ATPAF2: variants seen among roughly 807,000 people sequenced by gnomAD.
The protein encoded by ATPAF2 is ATP synthase mitochondrial F1 complex assembly factor 2.
Under a neutral mutation model 36.6 loss-of-function variants are expected in ATPAF2, and 30 were observed. That is an observed-to-expected ratio of 0.82 (90% CI 0.61 to 1.11). The LOEUF is 1.11. Among genes scored for constraint, ATPAF2 ranks in the 50% most tolerant of loss-of-function variants. ATPAF2 has a pLI of 0.00. For missense variants in ATPAF2, 321 were observed against 372.3 expected (o/e 0.86, Z 1.13); for synonymous variants, 140 against 152.6 (o/e 0.92, Z 0.61).
At chr17:18,031,761 C>T (rs573591839) in intron 1 of ATPAF2, among the ~76,000 whole-genome samples, 18 of 152,138 alleles carry the variant, frequency 1.2e-4, no homozygotes, top group Admixed American at 1.1e-3. Context: ...GCCTGGGTGA[C>T]AAAGCAAGAC....
At chr17:18,015,967 G>A (rs2044345751), downstream of ATPAF2, 1 of 1,375,972 alleles carries the variant, frequency 7.3e-7, no homozygotes, top group East Asian at 2.3e-5. Flanking sequence ...GGCCTGCACA[G>A]CCAGGGGACT....
chr17:18,031,341 T>C (rs929163682), intron 1 of ATPAF2, among the ~76,000 whole-genome samples: 1 of 152,110 alleles, frequency 6.6e-6, no homozygotes, highest in Non-Finnish European at 1.5e-5. Context: ...CTATCACTAA[T>C]ACTTACAGAC....
intron 1 of ATPAF2, among the ~76,000 whole-genome samples, chr17:18,038,293 A>G (rs144869140): frequency 6.6e-6 from 1 of 152,344 alleles, no homozygotes; most frequent in African/African-American, 2.4e-5. Context: ...ACTACTTCTA[A>G]GCTTCATCAG....
rs886052664 is a variant in ATPAF2 at position 18,018,212 on chromosome 17, A to G, written c.*337T>C. ...TAACCCTCTGGAACCTAGACAAAACAGGAAGAATGGAGAAGTGCAGAGGCA... is the reference window on the plus strand; with the variant it reads ...TAACCCTCTGGAACCTAGACAAAACGGGAAGAATGGAGAAGTGCAGAGGCA... On this transcript the variant is annotated 3_prime_UTR_variant, in exon 8 of 8. Coordinates refer to ENST00000474627, the MANE Select transcript of ATPAF2 (RefSeq NM_145691.4). 9 of 377,270 alleles carry G rather than the reference A, an allele frequency of 2.4e-5. No homozygotes were observed. Among genetic ancestry groups the G allele is most frequent in the East Asian group, 1.9e-4 (3 of 15,994 alleles). 23.4% of individuals were successfully genotyped at this position (377,270 alleles called of 1,614,324 possible). A position where few individuals can be genotyped will look rare whatever the true frequency, so the allele number is the denominator to read the frequency against.
chr17:18,018,241 G>C lies in ATPAF2; in HGVS notation c.*308C>G, dbSNP rs1052091218. 1.2e-5 allele frequency: 5 copies of C among 428,602 alleles called. No individual in the cohort carries two copies. The highest frequency in any genetic ancestry group is 8.1e-5 in the African/African-American group (4 of 49,472). 26.5% of individuals were successfully genotyped at this position (428,602 alleles called of 1,614,324 possible). On this transcript the variant is annotated 3_prime_UTR_variant, in exon 8 of 8. Coordinates refer to ENST00000474627, the MANE Select transcript of ATPAF2 (RefSeq NM_145691.4). ...AGAATGGAGAAGTGCAGAGGCATACGTGAAAACAGGGCTCAGCACATTTCC... is the reference window on the plus strand; with the variant it reads ...AGAATGGAGAAGTGCAGAGGCATACCTGAAAACAGGGCTCAGCACATTTCC...
At chr17:18,024,041 A>G (rs2044508146) in intron 5 of ATPAF2, among the ~76,000 whole-genome samples, 1 of 152,254 alleles carries the variant, frequency 6.6e-6, no homozygotes, top group Non-Finnish European at 1.5e-5. Flanking sequence ...AAGTGCATAC[A>G]TATCGTATAT....
At chr17:18,031,975 G>A (rs1427138395) in intron 1 of ATPAF2, among the ~76,000 whole-genome samples, 1 of 152,190 alleles carries the variant, frequency 6.6e-6, no homozygotes, top group African/African-American at 2.4e-5. Flanking sequence ...TGGCAGGCTA[G>A]ACATGGGTCT....
rs750701184 is a variant in ATPAF2 at position 18,024,590 on chromosome 17, C to T, written c.503+34G>A. On this transcript the variant is annotated intron_variant, in intron 5 of 7. Coordinates refer to ENST00000474627, the MANE Select transcript of ATPAF2 (RefSeq NM_145691.4). The stretch of plus-strand genomic sequence containing the variant: ...CTACACTCCACCAAACGCAGGTGCC[C>T]AGTCAGTGCTTTCTGCAGGGCTGTA... The T allele has an allele frequency of 2.5e-6, 4 of 1,582,020 alleles. No homozygotes were observed. The South Asian group carries it at 3.3e-5, about 13-fold the overall frequency.
rs141020107 is a variant in ATPAF2 at position 18,021,221 on chromosome 17, C to A, written c.634G>T (p.Ala212Ser). Residue 212 changes from alanine to serine, a missense_variant, in exon 7 of 8, where the codon GCC becomes TCC. Ala to Ser is a moderately conservative substitution (Grantham distance 99). Around this residue, in one of 3 missense-constraint regions of ATPAF2, gnomAD observed 199 missense variants for 220.6 expected, o/e 0.90. Coordinates refer to ENST00000474627, the MANE Select transcript of ATPAF2 (RefSeq NM_145691.4). ...WALQGIEFVA[A>S]QLKSMVLTLG... ...GTTAGCACCATGGACTTGAGCTGGG[C>A]AGCTACAAACTCAATCCCTGCAGGG... The A allele has an allele frequency of 1.1e-4, 175 of 1,613,432 alleles. No individual in the cohort carries two copies. The East Asian group carries it at 1.7e-3, about 16-fold the overall frequency.
At chr17:18,028,181 C>A in intron 3 of ATPAF2, 51 bp downstream of exon 3, 1 of 1,612,958 alleles carries the variant, frequency 6.2e-7, no homozygotes, top group South Asian at 1.1e-5. Context: ...GTCTACCCTA[C>A]GAAGCCCTGG....
At chr17:18,024,565 C>T (rs2044516865) in intron 5 of ATPAF2, 59 bp downstream of exon 5, 2 of 1,465,358 alleles carry the variant, frequency 1.4e-6, no homozygotes, top group Non-Finnish European at 1.9e-6. Context: ...CCCCTGACCC[C>T]TACACTCCAC....
At chr17:18,016,873 TAAAAAAAA>T, downstream of ATPAF2, 1 of 302,360 alleles carries the variant, frequency 3.3e-6, no homozygotes, top group South Asian at 5.3e-5. Flanking sequence ...CCCCTACTCA[TAAAAAAAA>T]AAAAAAAATC....
Position 18,021,130 on chromosome 17 carries a change from T to C in ATPAF2, c.725A>G (p.Glu242Gly). The C allele has an allele frequency of 6.2e-7, 1 of 1,613,084 alleles. No homozygotes were observed. The highest frequency in any genetic ancestry group is 8.5e-7 in the Non-Finnish European group (1 of 1,179,588). Residue 242 changes from glutamate to glycine, a missense_variant, in exon 7 of 8, where the codon GAG becomes GGG. Around this residue, in one of 3 missense-constraint regions of ATPAF2, gnomAD observed 199 missense variants for 220.6 expected, o/e 0.90. Transcript: ENST00000474627. ...QAVLLSRLEE[E>G]YQIQKWGNIE... ...TGAGGTGCTGCTCCTCACCTGGTAC[T>C]CCTCCTCCAGGCGTGACAGCAGCAC...
downstream of ATPAF2, among the ~76,000 whole-genome samples, chr17:18,017,114 G>A (rs1182526498): frequency 7.6e-6 from 1 of 132,056 alleles, no homozygotes; most frequent in Non-Finnish European, 1.6e-5. Flanking sequence ...GGAGGTTGCA[G>A]TGAGCCAAGA....
rs2044578374 is a variant in ATPAF2, at chr17:18,028,358, C to T, written c.198G>A (p.Leu66=). 5.0e-6 allele frequency: 8 copies of T among 1,613,894 alleles called. No individual in the cohort carries two copies. Among genetic ancestry groups the T allele is most frequent in the African/African-American group, 1.3e-5 (1 of 74,856 alleles). Residue 66 remains leucine (L), a synonymous_variant, in exon 3 of 8, where the codon CTG becomes CTA. Coordinates refer to ENST00000474627, the MANE Select transcript of ATPAF2 (RefSeq NM_145691.4). ...TQGEGGFEIN[L]DHRKLKTPQA... ...GGGGAGTTTTCAGCTTCCTGTGGTCCAGGTTTATCTCAAAGCCACCTTGAA... is the reference window on the plus strand; with the variant it reads ...GGGGAGTTTTCAGCTTCCTGTGGTCTAGGTTTATCTCAAAGCCACCTTGAA...
At position 18,026,337 on chromosome 17, in the gene ATPAF2, A is replaced by T; in HGVS notation, c.404T>A (p.Leu135Gln). ...CCATTACCAGATGGTGTCGGTGTCC[A>T]GAAACTTCACGGCTGCCCGGATCAG... ...DQLIRAAVKF[L>Q]DTDTICYRVE... Residue 135 changes from leucine (L) to glutamine (Q), a missense_variant, in exon 4 of 8, where the codon CTG (leucine) becomes CAG (glutamine). Physicochemically the swap from Leu to Gln is moderately radical, Grantham distance 113 (BLOSUM62 -2). Around this residue, in one of 3 missense-constraint regions of ATPAF2, gnomAD observed 199 missense variants for 220.6 expected, o/e 0.90. Coordinates refer to ENST00000474627, the MANE Select transcript of ATPAF2 (RefSeq NM_145691.4). 6.2e-7 allele frequency: 1 copy of T among 1,614,112 alleles called. No individual in the cohort carries two copies. Among genetic ancestry groups the T allele is most frequent in the Non-Finnish European group, 8.5e-7 (1 of 1,180,030 alleles).
chr17:18,024,473 A>C (rs2044515190), intron 5 of ATPAF2, 151 bp downstream of exon 5: 1 of 718,034 alleles, frequency 1.4e-6, no homozygotes, highest in African/African-American at 1.7e-5. Flanking sequence ...CCTATCCCTG[A>C]TCATATGAGG....
downstream of ATPAF2, chr17:18,016,284 T>C (rs2044360947): frequency 7.3e-7 from 1 of 1,365,172 alleles, no homozygotes; most frequent in African/African-American, 1.4e-5. Context: ...AGAATTTTCA[T>C]TAAGGAATGA....
intron 1 of ATPAF2, among the ~76,000 whole-genome samples, chr17:18,034,005 G>A (rs2044671715): frequency 6.6e-6 from 1 of 151,838 alleles, no homozygotes; most frequent in Admixed American, 6.6e-5. Flanking sequence ...TGTAGTCCCA[G>A]CTACTCAGGA....
Sources: allele counts gnomAD v4.1 joint callset (sites outside exome capture counted in the v4.1 genomes callset), GRCh38; gene constraint gnomAD v4.1.1; regional missense constraint gnomAD v4.1.1; transcripts MANE v1.5; gene names NCBI Gene and HGNC (gene_info 2026-07-23, HGNC 2026-07-21).